The following MAP3K1 variants were observed in gnomAD, a reference collection of about 807,000 sequenced individuals.
MAP3K1 encodes MAP/ERK kinase kinase 1.
A neutral mutation model predicts 144.2 loss-of-function variants in MAP3K1; 36 were observed. The observed-to-expected ratio is 0.25, with a 90% confidence interval of 0.19 to 0.33. The LOEUF (loss-of-function observed/expected upper bound fraction) is 0.33. MAP3K1 is among the 10% of genes least tolerant of loss of function. MAP3K1 has a pLI of 1.00. For synonymous variants in MAP3K1, 718 were observed against 688.7 expected, an observed-to-expected ratio of 1.04 and a Z score of -0.67; for missense variants, 1,650 against 1,881.9, an observed-to-expected ratio of 0.88 and a Z score of 2.28.
At chr5:56,818,759 T>C (rs1185514180) in intron 1 of MAP3K1, among the ~76,000 whole-genome samples, 1 of 152,188 alleles carries the variant, frequency 6.6e-6, no homozygotes, top group Admixed American at 6.5e-5. Context: ...TTTTTGTAAC[T>C]TAAAAAACCA....
intron 7 of MAP3K1, 33 bp downstream of exon 7, chr5:56,872,064 A>C (rs1747869946): frequency 1.2e-6 from 2 of 1,613,440 alleles, no homozygotes; most frequent in African/African-American, 2.7e-5. Flanking sequence ...ATGCTTACTC[A>C]ACACAGTTGC....
At chr5:56,828,475 T>C (rs972896303) in intron 1 of MAP3K1, among the ~76,000 whole-genome samples, 35 of 152,184 alleles carry the variant, frequency 2.3e-4, no homozygotes, top group African/African-American at 8.2e-4. Flanking sequence ...ACTTAGAAAC[T>C]CTTGGAATTT....
Position 56,859,835 on chromosome 5 carries a change from TCTC to T in MAP3K1, c.757_759del (p.Pro253del), listed in dbSNP as rs1747451408. On this transcript the variant is annotated inframe_deletion, in exon 3 of 20. Transcript: ENST00000399503. ...AGCTTCCAAAGGCCGACGCAGTCCTTCTCCTGGCAACTCCCCATCAGGTCGCAC... is the reference window on the plus strand; with the variant it reads ...AGCTTCCAAAGGCCGACGCAGTCCTTCTGGCAACTCCCCATCAGGTCGCAC... 16 of 1,613,804 alleles carry T rather than the reference TCTC, an allele frequency of 9.9e-6. No homozygotes were observed. The highest frequency in any genetic ancestry group is 1.6e-4 in the Middle Eastern group (1 of 6,082).
chr5:56,816,973 C>T (rs1745996245), intron 1 of MAP3K1: 2 of 629,818 alleles, frequency 3.2e-6, no homozygotes, highest in Non-Finnish European at 4.0e-6. Context: ...GCCCCTCCGG[C>T]TTGGCCCGGG....
chr5:56,865,520 T>C lies in MAP3K1; in HGVS notation c.1152+64T>C, dbSNP rs73759243. On this transcript the variant is annotated intron_variant, in intron 5 of 19. Coordinates refer to ENST00000399503, the MANE Select transcript of MAP3K1 (RefSeq NM_005921.2). ...TATTCTTAGGATATATTCTTAAAATTTATCCTTCACTAAATTTAGGCAGTG... is the reference window on the plus strand; with the variant it reads ...TATTCTTAGGATATATTCTTAAAATCTATCCTTCACTAAATTTAGGCAGTG... 4,958 of 996,786 alleles carry C rather than the reference T, an allele frequency of 5.0e-3. 172 individuals carry two copies. In the African/African-American group the frequency reaches 0.072, roughly 14 times the overall value. 61.7% of individuals were successfully genotyped at this position (996,786 alleles called of 1,614,324 possible). A position where few individuals can be genotyped will look rare whatever the true frequency, so the allele number is the denominator to read the frequency against.
rs1393178273 is a variant in MAP3K1, at chr5:56,894,457, T to G, written c.*777T>G. The G allele has an allele frequency of 7.7e-5, 18 of 232,580 alleles. No homozygotes were observed. The highest frequency in any genetic ancestry group is 1.2e-3 in the Middle Eastern group (1 of 804). 14.4% of individuals were successfully genotyped at this position (232,580 alleles called of 1,614,324 possible). On this transcript the variant is annotated 3_prime_UTR_variant, in exon 20 of 20. Transcript: ENST00000399503. ...TTTAAAATATAGACTTAATTTTGTT[T>G]TTTTAAATTGGAATACAATAAAGTA...
Position 56,856,745 on chromosome 5 carries a change from C to G in MAP3K1, c.628C>G (p.Pro210Ala), listed in dbSNP as rs1376416139. Residue 210 changes from proline to alanine, a missense_variant, in exon 2 of 20, where the codon CCT becomes GCT. Coordinates refer to ENST00000399503, the MANE Select transcript of MAP3K1 (RefSeq NM_005921.2). ...EWLERRNRRG[P>A]VVVKPIPVKG... is the part of the protein sequence containing the mutation. ...GTTGGAAAGGAGAAATAGGCGAGGG[C>G]CTGTGGTAAGTGGCTATGGGTTACC... 1.2e-6 allele frequency: 2 copies of G among 1,613,814 alleles called. No individual in the cohort carries two copies. The highest frequency in any genetic ancestry group is 3.3e-5 in the Admixed American group (2 of 60,006).
intron 3 of MAP3K1, among the ~76,000 whole-genome samples, chr5:56,860,583 T>G (rs926498401): frequency 2.7e-4 from 41 of 152,328 alleles, no homozygotes; most frequent in African/African-American, 9.1e-4. Context: ...CTGGGAGCGG[T>G]GGCTCACATC....
intron 6 of MAP3K1, among the ~76,000 whole-genome samples, chr5:56,871,646 C>G (rs1466729414): frequency 6.6e-6 from 1 of 152,096 alleles, no homozygotes; most frequent in East Asian, 1.9e-4. Context: ...ACAAATGTTT[C>G]TTTCTAAGAT....
chr5:56,866,110 A>G, intron 6 of MAP3K1, 133 bp downstream of exon 6: 1 of 899,970 alleles, frequency 1.1e-6, no homozygotes, highest in Non-Finnish European at 1.7e-6. Flanking sequence ...GTTAAAATCA[A>G]GGGTGAAGAT....
chr5:56,815,869 C>A lies in MAP3K1; in HGVS notation c.296C>A (p.Ala99Glu). The change falls in exon 1 of 20, where the codon GCG (alanine) becomes GAG (glutamate). Residue 99 changes from alanine (A) to glutamate (E), a missense_variant. Transcript: ENST00000399503. ...TSPSPEPADA[A>E]GSGTGFQPVA... is the part of the protein sequence containing the mutation. ...CCGTCGCCGGAGCCCGCGGACGCAGCGGGGAGTGGGACCGGCTTCCAGCCT... is the reference window on the plus strand; with the variant it reads ...CCGTCGCCGGAGCCCGCGGACGCAGAGGGGAGTGGGACCGGCTTCCAGCCT... 7.2e-7 allele frequency: 1 copy of A among 1,390,044 alleles called. No homozygotes were observed. Among genetic ancestry groups the A allele is most frequent in the Non-Finnish European group, 9.4e-7 (1 of 1,067,564 alleles). 86.1% of individuals were successfully genotyped at this position (1,390,044 alleles called of 1,614,324 possible).
At position 56,859,822 on chromosome 5, in the gene MAP3K1, C is replaced by G; in HGVS notation, c.741C>G (p.Gly247=). 6.2e-7 allele frequency: 1 copy of G among 1,613,930 alleles called. No individual in the cohort carries two copies. The highest frequency in any genetic ancestry group is 8.5e-7 in the Non-Finnish European group (1 of 1,179,928). ...GTGCGGCTTCACCAGCTTCCAAAGG[C>G]CGACGCAGTCCTTCTCCTGGCAACT... ...QASAASPASK[G]RRSPSPGNSP... The change falls in exon 3 of 20, where the codon GGC becomes GGG. Residue 247 remains glycine, a synonymous_variant. Coordinates refer to ENST00000399503, the MANE Select transcript of MAP3K1 (RefSeq NM_005921.2).
rs1215159123 is a variant in MAP3K1 at position 56,859,841 on chromosome 5, G to A, written c.760G>A (p.Gly254Ser). Residue 254 changes from glycine (G) to serine (S), a missense_variant, in exon 3 of 20, where the codon GGC becomes AGC. Around this residue, in one of 6 missense-constraint regions of MAP3K1, gnomAD observed 148 missense variants for 177.2 expected, o/e 0.84. Transcript: ENST00000399503. ...ASKGRRSPSP[G>S]NSPSGRTVKS... ...CAAAGGCCGACGCAGTCCTTCTCCT[G>A]GCAACTCCCCATCAGGTCGCACAGT... is the stretch of plus-strand genomic sequence containing the variant. 1 of 1,613,824 alleles carries A rather than the reference G, an allele frequency of 6.2e-7. No individual in the cohort carries two copies. The highest frequency in any genetic ancestry group is 1.1e-5 in the South Asian group (1 of 90,994).
At chr5:56,876,178 G>C (rs543163718) in intron 10 of MAP3K1, among the ~76,000 whole-genome samples, 3 of 135,140 alleles carry the variant, frequency 2.2e-5, no homozygotes, top group Non-Finnish European at 4.8e-5. Flanking sequence ...GTTGGAGGGT[G>C]GGGGGAGGGC....
chr5:56,833,546 C>A (rs903473299), intron 1 of MAP3K1, among the ~76,000 whole-genome samples: 1 of 152,150 alleles, frequency 6.6e-6, no homozygotes, highest in Admixed American at 6.5e-5. Flanking sequence ...ACCTGAGTAT[C>A]TCTCTGCATG....
intron 1 of MAP3K1, among the ~76,000 whole-genome samples, chr5:56,852,298 C>A (rs1747199609): frequency 6.6e-6 from 1 of 152,136 alleles, no homozygotes; most frequent in South Asian, 2.1e-4. Flanking sequence ...AGAGTTAGCA[C>A]AATCAACAGT....
chr5:56,870,933 T>C (rs1193536426), intron 6 of MAP3K1, among the ~76,000 whole-genome samples: 1 of 152,200 alleles, frequency 6.6e-6, no homozygotes, highest in Non-Finnish European at 1.5e-5. Context: ...GATTTTAGTT[T>C]TTACTCCTAC....
chr5:56,873,307 C>T (rs2111915526), intron 9 of MAP3K1, among the ~76,000 whole-genome samples: 1 of 152,334 alleles, frequency 6.6e-6, no homozygotes, highest in East Asian at 1.9e-4. Context: ...CCCTTCAATG[C>T]TAACTTTTCC....
chr5:56,839,894 A>G (rs535216172), intron 1 of MAP3K1, among the ~76,000 whole-genome samples: 1 of 63,958 alleles, frequency 1.6e-5, no homozygotes, highest in East Asian at 2.9e-4. Context: ...ATAAGTGGGT[A>G]AATAATCATC....
Sources: allele counts gnomAD v4.1 joint callset (sites outside exome capture counted in the v4.1 genomes callset), GRCh38; gene constraint gnomAD v4.1.1; regional missense constraint gnomAD v4.1.1; transcripts MANE v1.5; gene names NCBI Gene and HGNC (gene_info 2026-07-23, HGNC 2026-07-21).